TLE2: variants seen among roughly 807,000 people sequenced by gnomAD.
TLE2 encodes the protein TLE family member 2, transcriptional corepressor.
A neutral mutation model predicts 97.2 loss-of-function variants in TLE2; 74 were observed. The observed-to-expected ratio is 0.76, with a 90% CI of 0.63 to 0.92. The LOEUF is 0.92. Among genes scored for constraint, TLE2 ranks in the 40% least tolerant of loss-of-function variants. The pLI, the probability that TLE2 is intolerant of heterozygous loss-of-function variation, is 0.00. For missense variants in TLE2, 1,038 were observed against 1,008.7 expected (o/e 1.03, Z -0.39); for synonymous variants, 499 against 432.1 (o/e 1.15, Z -1.92).
chr19:3,023,765 G>A (rs573869033), intron 5 of TLE2, among the ~76,000 whole-genome samples: 116 of 151,696 alleles, frequency 7.6e-4, no homozygotes, highest in Non-Finnish European at 1.2e-3. Context: ...GGTGGTGCAC[G>A]CCTGTAATCC....
chr19:3,030,862 G>A (rs1466610811), upstream of TLE2, among the ~76,000 whole-genome samples: 1 of 150,350 alleles, frequency 6.7e-6, no homozygotes, highest in African/African-American at 2.4e-5. Flanking sequence ...TGAGGCGGGA[G>A]ATACCTGAGC....
At chr19:3,000,805 G>A in intron 18 of TLE2, 82 bp from the exon 19 acceptor site, 1 of 1,038,678 alleles carries the variant, frequency 9.6e-7, no homozygotes, top group East Asian at 2.7e-5. Flanking sequence ...GGGAAGCTGG[G>A]TCTGGGTCTG....
At chr19:3,010,129 C>T (rs539741238) in intron 12 of TLE2, among the ~76,000 whole-genome samples, 1 of 151,540 alleles carries the variant, frequency 6.6e-6, no homozygotes, top group Non-Finnish European at 1.5e-5. Flanking sequence ...TTTGGGAGGC[C>T]GAGGTGGGCG....
At chr19:3,023,900 A>T (rs1187410145) in intron 5 of TLE2, among the ~76,000 whole-genome samples, 1 of 145,496 alleles carries the variant, frequency 6.9e-6, no homozygotes, top group Non-Finnish European at 1.5e-5. Flanking sequence ...ACACACACAC[A>T]CACACACAAA....
In TLE2 at chr19:3,014,605, C is replaced by A. The variant is rs1018382206; in HGVS notation, c.688G>T (p.Glu230Ter). ...ACCAGATTGTAATCACTCTTGTCTT[C>A]GTCGCTTTCCTGGGGGAAGATGGGG... is the stretch of plus-strand genomic sequence containing the variant. ...KEPSGPYESD[E>*]DKSDYNLVVD... The change falls in exon 10 of 20, where the codon GAA becomes TAA. Residue 230 changes from glutamate to a stop codon, truncating the protein, a stop_gained. Transcript: ENST00000262953. LOFTEE classifies it high-confidence loss of function. 6 of 1,588,952 alleles carry A rather than the reference C, an allele frequency of 3.8e-6. No individual in the cohort carries two copies. Among genetic ancestry groups the A allele is most frequent in the Non-Finnish European group, 5.1e-6 (6 of 1,167,260 alleles).
chr19:3,006,229 A>T (rs7249797), intron 15 of TLE2, 191 bp downstream of exon 15: 102,158 of 1,030,864 alleles, frequency 0.099, 15,727 homozygotes, highest in African/African-American at 0.65. Flanking sequence ...AGTCCAATTC[A>T]GATTGGCCAG....
Position 3,006,643 on chromosome 19 carries a change from T to A in TLE2, c.1277A>T (p.Asp426Val), listed in dbSNP as rs1305884380. The stretch of plus-strand genomic sequence containing the variant: ...GAAGGGAACCGGCTGCATCTGCCCG[T>A]CCGCAGACACGTGGAAGGAGTAGGC... ...KPAYSFHVSA[D>V]GQMQPVPFPS... The change falls in exon 15 of 20, where the codon GAC becomes GTC. Residue 426 changes from aspartate to valine, a missense_variant. Coordinates refer to ENST00000262953, the MANE Select transcript of TLE2 (RefSeq NM_003260.5). 2 of 1,608,268 alleles carry A rather than the reference T, an allele frequency of 1.2e-6. No homozygotes were observed. Among genetic ancestry groups the A allele is most frequent in the Non-Finnish European group, 1.7e-6 (2 of 1,176,924 alleles).
At chr19:3,039,361 T>C (rs2090084025) in intron 1 of TLE2, among the ~76,000 whole-genome samples, 1 of 151,832 alleles carries the variant, frequency 6.6e-6, no homozygotes, top group Non-Finnish European at 1.5e-5. Context: ...ATCGCCTCCC[T>C]CCTCTCACCT....
chr19:3,044,185 AAAAC>A (rs1023944547), intron 1 of TLE2, among the ~76,000 whole-genome samples: 4 of 151,652 alleles, frequency 2.6e-5, no homozygotes, highest in Admixed American at 6.6e-5. Flanking sequence ...AAAAAAAACA[AAAAC>A]AAACCAAAAC....
At chr19:3,041,014 T>TATATATATATGTATATATATATA (rs55998855) in intron 1 of TLE2, among the ~76,000 whole-genome samples, 5 of 20,162 alleles carry the variant, frequency 2.5e-4, no homozygotes, top group African/African-American at 4.2e-4. Flanking sequence ...TATATATATA[T>TATATATATATGTATATATATATA]TTTTTTTTTT....
At chr19:3,045,278 G>C (rs1233269722) in intron 1 of TLE2, among the ~76,000 whole-genome samples, 1 of 152,196 alleles carries the variant, frequency 6.6e-6, no homozygotes, top group Non-Finnish European at 1.5e-5. Flanking sequence ...AGTAGGAACA[G>C]CGTGTTCCAG....
At position 3,019,754 on chromosome 19, in the gene TLE2, T is replaced by G; in HGVS notation, c.314A>C (p.Gln105Pro). Reference sequence around the variant, plus strand: ...GACCTGCTTGGCGCGTTCTACGGCCTGGAGCACCTGCTGCTGATGCTGGCG... The same window carrying G: ...GACCTGCTTGGCGCGTTCTACGGCCGGGAGCACCTGCTGCTGATGCTGGCG... ...LTQEHQQQVLQAVERAKQVTV... is the reference protein window; with the variant it reads ...LTQEHQQQVLPAVERAKQVTV... The change falls in exon 6 of 20, where the codon CAG becomes CCG. Residue 105 changes from glutamine (Q) to proline (P), a missense_variant. Transcript: ENST00000262953. The surrounding 1 kb of genome is among the most constrained non-coding windows in gnomAD (Gnocchi z 5.1). The G allele has an allele frequency of 6.2e-7, 1 of 1,613,130 alleles. No individual in the cohort carries two copies. Among genetic ancestry groups the G allele is most frequent in the Non-Finnish European group, 8.5e-7 (1 of 1,179,632 alleles).
At chr19:3,002,327 G>C (rs374617472) in intron 18 of TLE2, 26 bp downstream of exon 18, 1 of 1,581,018 alleles carries the variant, frequency 6.3e-7, no homozygotes, top group Non-Finnish European at 8.6e-7. Flanking sequence ...TTTTGAGGGC[G>C]TGCCACCCCG....
intron 4 of TLE2, chr19:3,025,402 A>C: frequency 8.7e-7 from 1 of 1,152,404 alleles, no homozygotes; most frequent in Non-Finnish European, 1.1e-6. Flanking sequence ...CAGACACCCA[A>C]CTCAGACGCA....
At position 3,006,225 on chromosome 19, in the gene TLE2, A is replaced by G. The variant is rs369492995; in HGVS notation, c.1500+195T>C. ...CTGTCCTGATTGTCTTGCAAGTCCA[A>G]TTCAGATTGGCCAGAGCCCCACCCC... On this transcript the variant is annotated intron_variant, in intron 15 of 19. Transcript: ENST00000262953. 73 of 1,011,968 alleles carry G rather than the reference A, an allele frequency of 7.2e-5. No homozygotes were observed. In the Middle Eastern group the frequency reaches 8.1e-4, roughly 11 times the overall value. 62.7% of individuals were successfully genotyped at this position (1,011,968 alleles called of 1,614,324 possible). A position where few individuals can be genotyped will look rare whatever the true frequency, so the allele number is the denominator to read the frequency against.
At position 3,000,725 on chromosome 19, in the gene TLE2, T is replaced by G; in HGVS notation, c.2048-2A>C. On this transcript the variant is annotated splice_acceptor_variant, in intron 18 of 19. Transcript: ENST00000262953. LOFTEE classifies it high-confidence loss of function. The stretch of plus-strand genomic sequence containing the variant: ...TCCCGGTGCTCACAAACCACCGTCC[T>G]TGGGGAAGGAGAGCAGCAGGGTTCA... 1.3e-6 allele frequency: 2 copies of G among 1,580,814 alleles called. No homozygotes were observed. Among genetic ancestry groups the G allele is most frequent in the Non-Finnish European group, 1.7e-6 (2 of 1,163,774 alleles).
intron 3 of TLE2, among the ~76,000 whole-genome samples, chr19:3,028,113 G>A (rs944170328): frequency 2.0e-5 from 3 of 152,116 alleles, no homozygotes; most frequent in African/African-American, 7.2e-5. Flanking sequence ...TGGCCCGACA[G>A]AGACTCCCAT....
intron 1 of TLE2, among the ~76,000 whole-genome samples, chr19:3,042,817 T>C (rs2090114529): frequency 6.6e-6 from 1 of 152,022 alleles, no homozygotes; most frequent in South Asian, 2.1e-4. Flanking sequence ...ATATTCGACT[T>C]AACAATTTAA....
chr19:3,017,432 G>GT (rs773353073), intron 8 of TLE2, among the ~76,000 whole-genome samples: 14,616 of 140,420 alleles, frequency 0.1, 800 homozygotes, highest in Non-Finnish European at 0.12. Context: ...ACCTGGCCTG[G>GT]TTTTTTTTTT....
Sources: gnomAD v4.1 joint callset for allele counts (sites outside exome capture counted in the v4.1 genomes callset) on GRCh38, gnomAD v4.1.1 for gene constraint, Gnocchi (gnomAD v3.1) non-coding constraint, MANE v1.5 for transcripts, NCBI Gene and HGNC (gene_info 2026-07-23, HGNC 2026-07-21) for gene names.